Variants in METTL22 observed in about 807,000 individuals in gnomAD.
METTL22 encodes methyltransferase-like protein 22.
In METTL22, 51 loss-of-function variants were observed where a neutral mutation model predicts 48.4. That is an observed-to-expected ratio of 1.05 (90% CI 0.84 to 1.33). The LOEUF is 1.33. Among genes scored for constraint, METTL22 ranks in the 40% most tolerant of loss-of-function variants. The pLI is 0.00. For missense variants in METTL22, 678 were observed against 526.9 expected (o/e 1.29, Z -2.81); for synonymous variants, 255 against 214.1 (o/e 1.19, Z -1.67).
At chr16:8,638,590 A>C (rs1165405279) in intron 5 of METTL22, among the ~76,000 whole-genome samples, 6 of 152,148 alleles carry the variant, frequency 3.9e-5, no homozygotes, top group African/African-American at 1.4e-4. Flanking sequence ...GACGAATCAT[A>C]AGAAAAAATC....
the METTL22 span, among the ~76,000 whole-genome samples, chr16:8,659,784 C>A: frequency 0.26 from 39,812 of 150,488 alleles, 6,348 homozygotes; most frequent in African/African-American, 0.46. Context: ...AGTGCAGTGG[C>A]GCAGTCTTGG....
intron 8 of METTL22, 82 bp from the exon 9 acceptor site, chr16:8,642,381 C>T: frequency 1.5e-6 from 2 of 1,367,834 alleles, no homozygotes; most frequent in African/African-American, 2.9e-5. Context: ...TAAGCATTCT[C>T]TCTGTGCGGA....
Position 8,639,338 on chromosome 16 carries a change from C to T in METTL22, c.772+176C>T, listed in dbSNP as rs182146892. The T allele has an allele frequency of 9.4e-4, 594 of 628,644 alleles. 9 individuals carry two copies. In the East Asian group the frequency reaches 0.014, roughly 15 times the overall value. The allele number at this position is 628,644 out of a possible 1,614,324, so 38.9% of individuals were successfully genotyped here. On this transcript the variant is annotated intron_variant, in intron 6 of 10. Coordinates refer to ENST00000381920, the MANE Select transcript of METTL22 (RefSeq NM_024109.4). Reference sequence around the variant, plus strand: ...AGAGCTTCAGAGCATTGAGGACGCTCCTTGGGTCACCTCCTCATTCCCAGA... The same window carrying T: ...AGAGCTTCAGAGCATTGAGGACGCTTCTTGGGTCACCTCCTCATTCCCAGA...
At position 8,647,532 on chromosome 16, in the gene METTL22, C is replaced by G. The variant is rs1209744653; in HGVS notation, c.*1389C>G. The G allele has an allele frequency of 3.3e-5, 5 of 152,180 alleles. No homozygotes were observed. The highest frequency in any genetic ancestry group is 3.3e-4 in the Admixed American group (5 of 15,280). The allele number at this position is 152,180 out of a possible 1,614,324, so 9.4% of individuals were successfully genotyped here. A position where few individuals can be genotyped will look rare whatever the true frequency, so the allele number is the denominator to read the frequency against. Reference sequence around the variant, plus strand: ...TTTCGGTGGTCACAAGTAGGGGAGACGGGTGCCACCAGTATCCAGTGGGTG... The same window carrying G: ...TTTCGGTGGTCACAAGTAGGGGAGAGGGGTGCCACCAGTATCCAGTGGGTG... On this transcript the variant is annotated 3_prime_UTR_variant, in exon 11 of 11. Transcript: ENST00000381920.
At chr16:8,627,484 A>T (rs2056100691) in intron 2 of METTL22, among the ~76,000 whole-genome samples, 1 of 152,000 alleles carries the variant, frequency 6.6e-6, no homozygotes, top group South Asian at 2.1e-4. Flanking sequence ...CACCCTCCCT[A>T]ACCCCAACTA....
chr16:8,659,844 C>T, the METTL22 span, among the ~76,000 whole-genome samples: 2 of 151,942 alleles, frequency 1.3e-5, no homozygotes, highest in Non-Finnish European at 2.9e-5. Flanking sequence ...CCACCTCAGC[C>T]CCACCAAGTA....
At chr16:8,640,887 T>TGGGTGGTTGGGC (rs2056583185) in intron 6 of METTL22, among the ~76,000 whole-genome samples, 1 of 93,152 alleles carries the variant, frequency 1.1e-5, no homozygotes, top group Non-Finnish European at 2.2e-5. Flanking sequence ...GGTGGGTGGG[T>TGGGTGGTTGGGC]GGGTGAATGG....
intron 3 of METTL22, among the ~76,000 whole-genome samples, chr16:8,634,781 G>T (rs2056371634): frequency 6.6e-6 from 1 of 152,126 alleles, no homozygotes; most frequent in African/African-American, 2.4e-5. Context: ...CCCTAGCCTT[G>T]GGCTGTAGGG....
At chr16:8,625,236 G>T (rs180879562) in intron 1 of METTL22, among the ~76,000 whole-genome samples, 3 of 152,032 alleles carry the variant, frequency 2.0e-5, no homozygotes, top group Non-Finnish European at 4.4e-5. Context: ...GAGAGGGCAG[G>T]CACGTGTGGC....
chr16:8,656,337 C>T, the METTL22 span, among the ~76,000 whole-genome samples: 1 of 152,140 alleles, frequency 6.6e-6, no homozygotes. Context: ...TCCTTTCCTC[C>T]ACCCCCACTT....
chr16:8,632,949 A>G (rs772743454), intron 3 of METTL22, among the ~76,000 whole-genome samples: 2 of 152,130 alleles, frequency 1.3e-5, no homozygotes, highest in African/African-American at 2.4e-5. Context: ...CAAGATCACT[A>G]TGAGAAGGTT....
At position 8,646,777 on chromosome 16, in the gene METTL22, G is replaced by A. The variant is rs1367782805; in HGVS notation, c.*634G>A. 2.3e-6 allele frequency: 1 copy of A among 427,590 alleles called. No individual in the cohort carries two copies. Among genetic ancestry groups the A allele is most frequent in the Non-Finnish European group, 4.7e-6 (1 of 211,158 alleles). The allele number at this position is 427,590 out of a possible 1,614,324, so 26.5% of individuals were successfully genotyped here. On this transcript the variant is annotated 3_prime_UTR_variant, in exon 11 of 11. Coordinates refer to ENST00000381920, the MANE Select transcript of METTL22 (RefSeq NM_024109.4). ...TTTGGGGTCATGTGCAGCTGACCAG[G>A]GTTTGTGCAGTGATCTTCCTCAGAG...
downstream of METTL22, among the ~76,000 whole-genome samples, chr16:8,649,875 C>T (rs141409748): frequency 8.2e-4 from 125 of 152,234 alleles, 1 homozygote; most frequent in African/African-American, 2.9e-3. Context: ...AGTATGCACA[C>T]GAATCACTTG....
At position 8,648,169 on chromosome 16, in the gene METTL22, A is replaced by G. The variant is rs1301966242; in HGVS notation, c.*2026A>G. 7 of 152,386 alleles carry G rather than the reference A, an allele frequency of 4.6e-5. No individual in the cohort carries two copies. The highest frequency in any genetic ancestry group is 3.9e-4 in the Admixed American group (6 of 15,300). 9.4% of individuals were successfully genotyped at this position (152,386 alleles called of 1,614,324 possible). A position where few individuals can be genotyped will look rare whatever the true frequency, so the allele number is the denominator to read the frequency against. ...AGACCCCATCTCTATTAAAAATTAA[A>G]CAGCCAATTAGTCTGGCATGGTGGT... On this transcript the variant is annotated 3_prime_UTR_variant, in exon 11 of 11. Coordinates refer to ENST00000381920, the MANE Select transcript of METTL22 (RefSeq NM_024109.4).
intron 7 of METTL22, chr16:8,641,486 G>C (rs774478528): frequency 1.8e-6 from 1 of 558,338 alleles, no homozygotes. Context: ...GTACACAGCA[G>C]GGTAGGGGCA....
intron 6 of METTL22, 60 bp downstream of exon 6, chr16:8,639,222 G>A: frequency 1.4e-5 from 21 of 1,516,236 alleles, no homozygotes; most frequent in Non-Finnish European, 1.8e-5. Flanking sequence ...AGATAGGACA[G>A]ACACCCAAGA....
rs113142676 is a variant in METTL22, at chr16:8,635,389, C to T, written c.700+77C>T. The stretch of plus-strand genomic sequence containing the variant: ...TGCACTGACTGTATAAAAAAAGAGG[C>T]AGAGGCACTGGAAATTGGATGTTAG... On this transcript the variant is annotated intron_variant, in intron 5 of 10. Transcript: ENST00000381920. 5.9e-4 allele frequency: 860 copies of T among 1,461,444 alleles called. 1 individual carries two copies. Among genetic ancestry groups the T allele is most frequent in the Non-Finnish European group, 7.1e-4 (782 of 1,108,306 alleles). 90.5% of individuals were successfully genotyped at this position (1,461,444 alleles called of 1,614,324 possible).
intron 2 of METTL22, among the ~76,000 whole-genome samples, chr16:8,628,131 C>T (rs1363064007): frequency 6.6e-6 from 1 of 152,234 alleles, no homozygotes; most frequent in Non-Finnish European, 1.5e-5. Context: ...TGCAGTTTTA[C>T]TATATTCCTG....
At chr16:8,646,021 C>G (rs2056788472) in intron 10 of METTL22, 87 bp from the exon 11 acceptor site, 2 of 1,594,648 alleles carry the variant, frequency 1.3e-6, no homozygotes, top group South Asian at 2.2e-5. Context: ...TCTAACTACT[C>G]TCCTTGGTGA....
Sources: allele counts gnomAD v4.1 joint callset (sites outside exome capture counted in the v4.1 genomes callset), GRCh38; gene constraint gnomAD v4.1.1; transcripts MANE v1.5; gene names NCBI Gene and HGNC (gene_info 2026-07-23, HGNC 2026-07-21).